Variants in CDH18 observed in about 807,000 individuals in gnomAD.
CDH18 encodes the protein cadherin-18.
CDH18 carries 31 observed loss-of-function variants against 67.9 expected under a neutral mutation model. The observed-to-expected ratio is 0.46, with a 90% CI of 0.34 to 0.62. CDH18 has a LOEUF of 0.62. Ranked by LOEUF, CDH18 falls within the 20% of genes least tolerant of loss-of-function variation. The probability of loss-of-function intolerance (pLI) is 0.01; values close to 1 mark genes in which losing one functional copy is unlikely to be tolerated. For synonymous variants in CDH18, 362 were observed against 347.2 expected, an observed-to-expected ratio of 1.04 and a Z score of -0.48; for missense variants, 890 against 975.5, an observed-to-expected ratio of 0.91 and a Z score of 1.17.
intron 4 of CDH18, among the ~76,000 whole-genome samples, chr5:19,736,896 G>T (rs1768409704): frequency 6.6e-6 from 1 of 152,284 alleles, no homozygotes; most frequent in Non-Finnish European, 1.5e-5. Context: ...CAGAGTATGA[G>T]TACAAGAAAA....
intron 5 of CDH18, among the ~76,000 whole-genome samples, chr5:19,720,190 T>G (rs904080143): frequency 1.3e-5 from 2 of 152,172 alleles, no homozygotes; most frequent in Admixed American, 1.3e-4. Context: ...AATAAATCTA[T>G]AATCTGTAGA....
At position 19,940,719 on chromosome 5, in the gene CDH18, C is replaced by A. The variant is rs1911855; in HGVS notation, c.-257+40341G>T. Among the ~76,000 whole-genome samples the A allele has an allele frequency of 3.2e-3, 480 of 152,038 alleles. 4 individuals carry two copies. Among genetic ancestry groups the A allele is most frequent in the Middle Eastern group, 6.8e-3 (2 of 294 alleles). Reference sequence around the variant, plus strand: ...CAATGTCATCTCCTCAGAGAAGGGTCCTCTAATCACCCCGATTAAGATAGA... The same window carrying A: ...CAATGTCATCTCCTCAGAGAAGGGTACTCTAATCACCCCGATTAAGATAGA... On this transcript the variant is annotated intron_variant, in intron 2 of 12. Transcript: ENST00000382275.
intron 7 of CDH18, among the ~76,000 whole-genome samples, chr5:19,585,982 G>A (rs975344361): frequency 6.6e-6 from 1 of 151,812 alleles, no homozygotes; most frequent in Admixed American, 6.6e-5. Flanking sequence ...TATTTTTATC[G>A]CGTTGTGATT....
At chr5:20,121,528 G>C (rs1320970836) in intron 2 of CDH18, among the ~76,000 whole-genome samples, 2 of 152,152 alleles carry the variant, frequency 1.3e-5, no homozygotes, top group South Asian at 4.1e-4. Flanking sequence ...TCCTGCTCAA[G>C]AGAAAAGATG....
intron 2 of CDH18, among the ~76,000 whole-genome samples, chr5:19,863,810 G>A (rs867550961): frequency 5.3e-5 from 8 of 152,276 alleles, no homozygotes; most frequent in African/African-American, 1.9e-4. Context: ...GCTGTGAGAG[G>A]TGAGACTCAC....
chr5:20,356,530 T>C (rs1741619785), intron 1 of CDH18, among the ~76,000 whole-genome samples: 1 of 152,138 alleles, frequency 6.6e-6, no homozygotes, highest in Non-Finnish European at 1.5e-5. Flanking sequence ...TTATTATAAA[T>C]TTTAATAATA....
chr5:19,902,541 G>A (rs1290109765), intron 2 of CDH18, among the ~76,000 whole-genome samples: 1 of 152,146 alleles, frequency 6.6e-6, no homozygotes, highest in Non-Finnish European at 1.5e-5. Flanking sequence ...CTTGGAAGTG[G>A]ATACTCTAGC....
intron 2 of CDH18, among the ~76,000 whole-genome samples, chr5:19,994,784 GAGAGAGAGAT>G (rs1735826839): frequency 1.4e-5 from 1 of 71,366 alleles, no homozygotes; most frequent in Non-Finnish European, 2.6e-5. Flanking sequence ...GAGAGAGAGA[GAGAGAGAGAT>G]GTACATGTGT....
intron 2 of CDH18, among the ~76,000 whole-genome samples, chr5:19,868,894 G>C (rs566921398): frequency 1.9e-4 from 29 of 152,178 alleles, no homozygotes; most frequent in African/African-American, 6.3e-4. Flanking sequence ...AGCAAGGATG[G>C]GCTAAGGAAA....
At chr5:20,439,007 G>T (rs960011817) in intron 1 of CDH18, among the ~76,000 whole-genome samples, 1 of 151,394 alleles carries the variant, frequency 6.6e-6, no homozygotes, top group African/African-American at 2.4e-5. Context: ...GTTAAGTAAT[G>T]GTGACAAATC....
intron 2 of CDH18, among the ~76,000 whole-genome samples, chr5:19,860,684 T>C (rs1022249393): frequency 1.3e-5 from 2 of 152,112 alleles, no homozygotes; most frequent in South Asian, 2.1e-4. Context: ...TTACATTAGC[T>C]TAAGTTACTT....
intron 2 of CDH18, among the ~76,000 whole-genome samples, chr5:19,923,438 A>G (rs1390760198): frequency 6.6e-6 from 1 of 152,222 alleles, no homozygotes; most frequent in Admixed American, 6.5e-5. Flanking sequence ...TTTGTTACAC[A>G]TCAATAGACA....
chr5:19,800,576 T>TTA (rs1161549613), intron 3 of CDH18, among the ~76,000 whole-genome samples: 1 of 152,098 alleles, frequency 6.6e-6, no homozygotes, highest in Non-Finnish European at 1.5e-5. Flanking sequence ...TATCAGTATT[T>TTA]TATATATATT....
Position 19,483,270 on chromosome 5 carries a change from T to C in CDH18, c.1882+31A>G, listed in dbSNP as rs537891120. ...GATTCCCTCTCATTCAGAATTGCCA[T>C]CATGCAAACTTAGGGTTTAGAATGA... On this transcript the variant is annotated intron_variant, in intron 12 of 12. Coordinates refer to ENST00000382275, the MANE Select transcript of CDH18 (RefSeq NM_004934.5). 8 of 1,582,204 alleles carry C rather than the reference T, an allele frequency of 5.1e-6. No homozygotes were observed. In the African/African-American group the frequency reaches 1.1e-4, roughly 21 times the overall value.
intron 2 of CDH18, among the ~76,000 whole-genome samples, chr5:20,080,504 A>ATT (rs1744360046): frequency 6.6e-6 from 1 of 152,206 alleles, no homozygotes; most frequent in Non-Finnish European, 1.5e-5. Flanking sequence ...ACAAGAGTGT[A>ATT]GTGATCCCAC....
intron 1 of CDH18, among the ~76,000 whole-genome samples, chr5:20,489,615 T>C (rs1020625510): frequency 5.9e-5 from 9 of 152,090 alleles, no homozygotes; most frequent in Non-Finnish European, 1.5e-5. Context: ...TTCATCCTAT[T>C]ACAGTTCAAG....
At chr5:20,440,121 C>T (rs1483594150) in intron 1 of CDH18, among the ~76,000 whole-genome samples, 2 of 151,690 alleles carry the variant, frequency 1.3e-5, no homozygotes, top group African/African-American at 4.9e-5. Flanking sequence ...AGTATTCATT[C>T]CTTAAAATGT....
intron 1 of CDH18, among the ~76,000 whole-genome samples, chr5:20,555,532 C>T (rs1187960758): frequency 1.4e-5 from 2 of 146,684 alleles, no homozygotes; most frequent in African/African-American, 5.1e-5. Context: ...GCAACCTCTG[C>T]CTCCCTGGTT....
chr5:19,664,971 A>T (rs1580765701), intron 5 of CDH18, among the ~76,000 whole-genome samples: 1 of 152,002 alleles, frequency 6.6e-6, no homozygotes, highest in Admixed American at 6.6e-5. Context: ...GGCTTGAGGA[A>T]ATCTAACATA....
Sources: allele counts gnomAD v4.1 joint callset (sites outside exome capture counted in the v4.1 genomes callset), GRCh38; gene constraint gnomAD v4.1.1; transcripts MANE v1.5; gene names NCBI Gene and HGNC (gene_info 2026-07-23, HGNC 2026-07-21).